The following ZDHHC5 variants were observed in gnomAD, a reference collection of about 807,000 sequenced individuals.
ZDHHC5 encodes palmitoyltransferase ZDHHC5.
In ZDHHC5, 22 loss-of-function variants were observed where a neutral mutation model predicts 70.0. That is an observed-to-expected ratio of 0.31 (90% CI 0.22 to 0.45). The LOEUF is 0.45. Ranked by LOEUF, ZDHHC5 falls within the 20% of genes least tolerant of loss-of-function variation. The pLI is 1.00. For synonymous variants in ZDHHC5, 313 were observed against 347.8 expected (o/e 0.90, Z 1.11); for missense variants, 746 against 926.9 (o/e 0.80, Z 2.53).
chr11:57,684,919 G>C (rs1946191383), intron 3 of ZDHHC5, among the ~76,000 whole-genome samples: 1 of 152,082 alleles, frequency 6.6e-6, no homozygotes, highest in African/African-American at 2.4e-5. Context: ...GGCCAAGGTG[G>C]GCAGATCACC....
chr11:57,679,287 G>A (rs1946116526), intron 2 of ZDHHC5, among the ~76,000 whole-genome samples: 1 of 152,022 alleles, frequency 6.6e-6, no homozygotes, highest in Admixed American at 6.6e-5. Flanking sequence ...TCAGCCTCCC[G>A]AGTAGCTGGG....
At chr11:57,683,981 T>C (rs985856353) in intron 3 of ZDHHC5, among the ~76,000 whole-genome samples, 1 of 151,034 alleles carries the variant, frequency 6.6e-6, no homozygotes, top group African/African-American at 2.4e-5. Flanking sequence ...AATTTTTTTT[T>C]TTTTTTTTGA....
chr11:57,691,521 A>G (rs532164384), intron 6 of ZDHHC5, among the ~76,000 whole-genome samples: 74 of 152,174 alleles, frequency 4.9e-4, no homozygotes, highest in Non-Finnish European at 8.4e-4. Flanking sequence ...ATAACAAAAT[A>G]ATATCTATCT....
intron 1 of ZDHHC5, among the ~76,000 whole-genome samples, chr11:57,668,791 T>C (rs916759997): frequency 2.0e-5 from 3 of 152,260 alleles, no homozygotes; most frequent in African/African-American, 7.2e-5. Flanking sequence ...TTTAGTACTT[T>C]GTACTTTTTA....
chr11:57,687,293 G>A (rs1174916833), intron 3 of ZDHHC5, among the ~76,000 whole-genome samples: 2 of 150,170 alleles, frequency 1.3e-5, no homozygotes, highest in African/African-American at 4.9e-5. Context: ...AAATTGCTCT[G>A]GGTGCGGTGG....
rs564526027 is a variant in ZDHHC5, at chr11:57,669,027, A to G, written c.-1071+840A>G. On this transcript the variant is annotated intron_variant, in intron 1 of 11. Coordinates refer to ENST00000287169, the MANE Select transcript of ZDHHC5 (RefSeq NM_015457.3). ...GCCATCTTGACCAAGTTGATCTAACATTTGCATATCATCCTTCTATCTCAG... is the reference window on the plus strand; with the variant it reads ...GCCATCTTGACCAAGTTGATCTAACGTTTGCATATCATCCTTCTATCTCAG... 2.6e-5 allele frequency among the ~76,000 whole-genome samples: 4 copies of G among 152,336 alleles called. No homozygotes were observed. The South Asian group carries it at 8.3e-4, about 32-fold the overall frequency.
chr11:57,682,345 C>A (rs1946159355), intron 2 of ZDHHC5, 77 bp from the exon 3 acceptor site: 1 of 1,523,404 alleles, frequency 6.6e-7, no homozygotes, highest in African/African-American at 1.4e-5. Flanking sequence ...GGGGCTAAGT[C>A]TTTACAGATT....
At chr11:57,689,551 T>C (rs1166751404) in intron 4 of ZDHHC5, among the ~76,000 whole-genome samples, 1 of 152,116 alleles carries the variant, frequency 6.6e-6, no homozygotes, top group Non-Finnish European at 1.5e-5. Flanking sequence ...CTAATTTTTG[T>C]ATTTTTAGTA....
intron 2 of ZDHHC5, among the ~76,000 whole-genome samples, chr11:57,679,951 T>C (rs575829341): frequency 3.7e-4 from 56 of 152,286 alleles, no homozygotes; most frequent in African/African-American, 1.3e-3. Context: ...GCAGACTTTA[T>C]TTTGGCAACA....
At chr11:57,685,389 G>A (rs573958801) in intron 3 of ZDHHC5, among the ~76,000 whole-genome samples, 8 of 152,240 alleles carry the variant, frequency 5.3e-5, no homozygotes, top group Non-Finnish European at 8.8e-5. Context: ...GGTGGCTTAC[G>A]CCTGTAATCC....
chr11:57,685,053 C>G (rs1476859416), intron 3 of ZDHHC5, among the ~76,000 whole-genome samples: 1 of 152,134 alleles, frequency 6.6e-6, no homozygotes, highest in Admixed American at 6.5e-5. Flanking sequence ...GAGGCTGAGG[C>G]AGGAGAATCG....
intron 2 of ZDHHC5, 146 bp downstream of exon 2, chr11:57,673,340 T>A: frequency 2.9e-6 from 2 of 693,130 alleles, no homozygotes; most frequent in Non-Finnish European, 4.8e-6. Context: ...CAGAGACATG[T>A]AAGAAAAATG....
Position 57,682,525 on chromosome 11 carries a change from C to T in ZDHHC5, c.208C>T (p.Pro70Ser). 6.2e-7 allele frequency: 1 copy of T among 1,613,964 alleles called. No homozygotes were observed. The highest frequency in any genetic ancestry group is 8.5e-7 in the Non-Finnish European group (1 of 1,179,968). ...ANFSMATFMD[P>S]GIFPRAEEDE... ...CTTCAGCATGGCCACCTTCATGGAC[C>T]CAGGGATTTTCCCTCGAGGTAAGAT... Residue 70 changes from proline to serine, a missense_variant, in exon 3 of 12, where the codon CCA (proline) becomes TCA (serine). By Grantham distance (74) the Pro-to-Ser change is moderately conservative (BLOSUM62 -1). Coordinates refer to ENST00000287169, the MANE Select transcript of ZDHHC5 (RefSeq NM_015457.3).
chr11:57,700,230 AC>A lies in ZDHHC5; in HGVS notation c.*206del, dbSNP rs959869519. The A allele has an allele frequency of 3.7e-5, 20 of 541,678 alleles. No individual in the cohort carries two copies. The highest frequency in any genetic ancestry group is 3.3e-5 in the Non-Finnish European group (11 of 335,690). 33.6% of individuals were successfully genotyped at this position (541,678 alleles called of 1,614,324 possible). A position where few individuals can be genotyped will look rare whatever the true frequency, so the allele number is the denominator to read the frequency against. On this transcript the variant is annotated 3_prime_UTR_variant, in exon 12 of 12. Coordinates refer to ENST00000287169, the MANE Select transcript of ZDHHC5 (RefSeq NM_015457.3). ...TTGGGGCCCTGAGACTGGGGTAGCA[AC>A]CCCCCCTTTTATCTTTTAAGACCTT...
intron 2 of ZDHHC5, among the ~76,000 whole-genome samples, chr11:57,679,760 CCT>C (rs1457925504): frequency 6.6e-6 from 1 of 151,972 alleles, no homozygotes; most frequent in African/African-American, 2.4e-5. Flanking sequence ...CAACGGAAAG[CCT>C]CTCCTTAAAT....
At position 57,700,223 on chromosome 11, in the gene ZDHHC5, G is replaced by A. The variant is rs1185609907; in HGVS notation, c.*192G>A. On this transcript the variant is annotated 3_prime_UTR_variant, in exon 12 of 12. Transcript: ENST00000287169. ...CGGAGAGTTGGGGCCCTGAGACTGGGGTAGCAACCCCCCCTTTTATCTTTT... is the reference window on the plus strand; with the variant it reads ...CGGAGAGTTGGGGCCCTGAGACTGGAGTAGCAACCCCCCCTTTTATCTTTT... 2 of 579,602 alleles carry A rather than the reference G, an allele frequency of 3.5e-6. No homozygotes were observed. The highest frequency in any genetic ancestry group is 7.6e-5 in the Admixed American group (2 of 26,250). The allele number at this position is 579,602 out of a possible 1,614,324, so 35.9% of individuals were successfully genotyped here.
Position 57,699,516 on chromosome 11 carries a change from G to A in ZDHHC5, c.1982+98G>A, listed in dbSNP as rs1013110521. ...TTCTGTTGTACATCCTAATGTAGGT[G>A]GACCCAGGGGTATCCTGGTAGCTCT... On this transcript the variant is annotated intron_variant, in intron 11 of 11. Transcript: ENST00000287169. The A allele has an allele frequency of 1.5e-5, 22 of 1,483,596 alleles. No individual in the cohort carries two copies. In the Middle Eastern group the frequency reaches 1.1e-3, roughly 73 times the overall value. The allele number at this position is 1,483,596 out of a possible 1,614,324, so 91.9% of individuals were successfully genotyped here.
chr11:57,686,741 T>C (rs1443794755), intron 3 of ZDHHC5, among the ~76,000 whole-genome samples: 1 of 152,222 alleles, frequency 6.6e-6, no homozygotes, highest in African/African-American at 2.4e-5. Flanking sequence ...TATATTGTGG[T>C]ATATATCCTT....
chr11:57,694,979 C>G (rs1050804111), intron 8 of ZDHHC5, among the ~76,000 whole-genome samples: 1 of 151,828 alleles, frequency 6.6e-6, no homozygotes, highest in African/African-American at 2.4e-5. Flanking sequence ...GAAAAATTTT[C>G]TGGCTGGGCG....
Sources: gnomAD v4.1 joint callset for allele counts (sites outside exome capture counted in the v4.1 genomes callset) on GRCh38, gnomAD v4.1.1 for gene constraint, MANE v1.5 for transcripts, NCBI Gene and HGNC (gene_info 2026-07-23, HGNC 2026-07-21) for gene names.